The following AKT3 variants were observed in gnomAD, a reference collection of about 807,000 sequenced individuals.
The protein encoded by AKT3 is AKT serine/threonine kinase 3, also known as RAC-gamma serine/threonine-protein kinase.
Under a neutral mutation model 65.3 loss-of-function variants are expected in AKT3, and 15 were observed. That is an observed-to-expected ratio of 0.23 (90% confidence interval 0.15 to 0.35). AKT3 has a LOEUF of 0.35. AKT3 is among the 10% of genes least tolerant of loss of function. The probability of loss-of-function intolerance (pLI) is 1.00; values close to 1 mark genes in which losing one functional copy is unlikely to be tolerated. For missense variants in AKT3, 243 were observed against 576.5 expected (o/e 0.42, Z 5.92); for synonymous variants, 206 against 183.8 (o/e 1.12, Z -0.98).
At position 243,499,818 on chromosome 1, in the gene AKT3, C is replaced by CAAAG; in HGVS notation, c.*5427_*5430dup. 3 of 1,602,982 alleles carry CAAAG rather than the reference C, an allele frequency of 1.9e-6. No homozygotes were observed. Among genetic ancestry groups the CAAAG allele is most frequent in the Non-Finnish European group, 1.7e-6 (2 of 1,170,834 alleles). ...GGAACAGAGTGAAATAAATGATTTA[C>CAAAG]AAAGAGATATTTACATTCATCTGGT... is the stretch of plus-strand genomic sequence containing the variant. On this transcript the variant is annotated 3_prime_UTR_variant, in exon 14 of 14. Transcript: ENST00000673466.
intron 2 of AKT3, among the ~76,000 whole-genome samples, chr1:243,721,112 C>G (rs985065838): frequency 4.6e-5 from 7 of 152,084 alleles, no homozygotes; most frequent in African/African-American, 1.7e-4. Context: ...AAGACTAGAT[C>G]TCTCTTCTCC....
downstream of AKT3, among the ~76,000 whole-genome samples, chr1:243,498,541 C>G (rs1048765632): frequency 6.6e-6 from 1 of 152,236 alleles, no homozygotes; most frequent in Non-Finnish European, 1.5e-5. Context: ...GCTGAGACCA[C>G]CCCACTACTC....
At chr1:243,539,025 G>T (rs1271692133) in intron 12 of AKT3, among the ~76,000 whole-genome samples, 1 of 152,102 alleles carries the variant, frequency 6.6e-6, no homozygotes, top group Non-Finnish European at 1.5e-5. Flanking sequence ...CAGAAAATCA[G>T]TAAGAATATA....
chr1:243,765,876 G>A (rs1005061964), intron 2 of AKT3, among the ~76,000 whole-genome samples: 1 of 152,134 alleles, frequency 6.6e-6, no homozygotes, highest in African/African-American at 2.4e-5. Flanking sequence ...TCTTCTCTTT[G>A]CAGCTACCAA....
At position 243,700,479 on chromosome 1, in the gene AKT3, C is replaced by G. The variant is rs184497574; in HGVS notation, c.47-4763G>C. On this transcript the variant is annotated intron_variant, in intron 2 of 13. Transcript: ENST00000673466. ...TTTCCACAGCTGAGTAAAAATACTG[C>G]ATTATTTTGGACCTCAGGCTTAGTC... Among the ~76,000 whole-genome samples the G allele has an allele frequency of 2.7e-5, 4 of 150,818 alleles. No homozygotes were observed. The East Asian group carries it at 7.8e-4, about 29-fold the overall frequency.
intron 2 of AKT3, among the ~76,000 whole-genome samples, chr1:243,809,618 G>T (rs1692993944): frequency 6.6e-6 from 1 of 152,086 alleles, no homozygotes; most frequent in Non-Finnish European, 1.5e-5. Flanking sequence ...ACATTAGACA[G>T]ATCAACAAGA....
Position 243,503,790 on chromosome 1 carries a change from C to G in AKT3, c.*1459G>C. On this transcript the variant is annotated 3_prime_UTR_variant, in exon 14 of 14. Coordinates refer to ENST00000673466, the MANE Select transcript of AKT3 (RefSeq NM_005465.7). ...ATGATCCCAAGAAACACACCAGGTTCTTAGCCTTCACTGCCCATTTCCTAA... is the reference window on the plus strand; with the variant it reads ...ATGATCCCAAGAAACACACCAGGTTGTTAGCCTTCACTGCCCATTTCCTAA... 4.3e-6 allele frequency: 1 copy of G among 231,282 alleles called. No individual in the cohort carries two copies. The highest frequency in any genetic ancestry group is 8.6e-6 in the Non-Finnish European group (1 of 116,616). 14.3% of individuals were successfully genotyped at this position (231,282 alleles called of 1,614,324 possible).
chr1:243,827,815 T>C (rs546278380), intron 2 of AKT3, among the ~76,000 whole-genome samples: 11 of 152,148 alleles, frequency 7.2e-5, no homozygotes, highest in Non-Finnish European at 1.5e-4. Context: ...TAATGAATTT[T>C]TGTAATTACT....
At chr1:243,657,680 C>G (rs1192638344) in intron 4 of AKT3, among the ~76,000 whole-genome samples, 1 of 151,960 alleles carries the variant, frequency 6.6e-6, no homozygotes, top group African/African-American at 2.4e-5. Context: ...GAATCCCAAA[C>G]AGCTGAAACA....
At chr1:243,705,963 C>A (rs1685770750) in intron 2 of AKT3, among the ~76,000 whole-genome samples, 2 of 152,172 alleles carry the variant, frequency 1.3e-5, no homozygotes, top group Non-Finnish European at 2.9e-5. Context: ...GAATTTTAAA[C>A]TATTATAAAT....
chr1:243,667,086 A>G lies in AKT3; in HGVS notation c.173-2203T>C, dbSNP rs149930927. ...ACAAAAATCCAAAATTTGAAATACA[A>G]TCTCCATTGAGTGTGTACTGCTGTC... On this transcript the variant is annotated intron_variant, in intron 3 of 13. Coordinates refer to ENST00000673466, the MANE Select transcript of AKT3 (RefSeq NM_005465.7). Among the ~76,000 whole-genome samples, 27 of 152,264 alleles carry G rather than the reference A, an allele frequency of 1.8e-4. No individual in the cohort carries two copies. The East Asian group carries it at 5.2e-3, about 29-fold the overall frequency.
chr1:243,618,087 C>T (rs768374233), intron 6 of AKT3, among the ~76,000 whole-genome samples: 36 of 152,068 alleles, frequency 2.4e-4, no homozygotes, highest in Non-Finnish European at 2.9e-5. Context: ...TGGGGTATTA[C>T]ATTCTATTTT....
intron 2 of AKT3, among the ~76,000 whole-genome samples, chr1:243,802,950 A>T (rs1692466973): frequency 6.6e-6 from 1 of 152,118 alleles, no homozygotes; most frequent in African/African-American, 2.4e-5. Flanking sequence ...GGAGTTTAAG[A>T]CCCACCTGGG....
At chr1:243,610,282 T>C (rs996379250) in intron 8 of AKT3, among the ~76,000 whole-genome samples, 1 of 152,218 alleles carries the variant, frequency 6.6e-6, no homozygotes, top group Non-Finnish European at 1.5e-5. Context: ...TGTTCATCCA[T>C]TTGTTCACTT....
intron 2 of AKT3, among the ~76,000 whole-genome samples, chr1:243,734,419 T>C (rs191949381): frequency 1.2e-4 from 19 of 152,310 alleles, no homozygotes; most frequent in Admixed American, 9.8e-4. Flanking sequence ...GTGAACATCA[T>C]AGAAACACCT....
upstream of AKT3, among the ~76,000 whole-genome samples, chr1:243,850,295 A>AGGCGGAGGC (rs1553463397): frequency 1.5e-4 from 18 of 118,334 alleles, no homozygotes; most frequent in Non-Finnish European, 3.1e-4. Context: ...CTGGAGCGGG[A>AGGCGGAGGC]GGCGGCGGCG....
chr1:243,646,101 T>G, intron 4 of AKT3, 64 bp from the exon 5 acceptor site: 2 of 1,374,282 alleles, frequency 1.5e-6, no homozygotes, highest in Non-Finnish European at 2.0e-6. Flanking sequence ...ATTTTCCTTT[T>G]ATAAACTATG....
At chr1:243,767,768 T>C (rs1689925213) in intron 2 of AKT3, among the ~76,000 whole-genome samples, 1 of 152,264 alleles carries the variant, frequency 6.6e-6, no homozygotes, top group South Asian at 2.1e-4. Flanking sequence ...AAGCTGGTGA[T>C]GATTACATGG....
chr1:243,847,325 A>G (rs1406620256), intron 1 of AKT3, among the ~76,000 whole-genome samples: 1 of 152,176 alleles, frequency 6.6e-6, no homozygotes, highest in Non-Finnish European at 1.5e-5. Context: ...TATAAAGACA[A>G]GCTCCTATCA....
Sources: allele counts gnomAD v4.1 joint callset (sites outside exome capture counted in the v4.1 genomes callset), GRCh38; gene constraint gnomAD v4.1.1; transcripts MANE v1.5; gene names NCBI Gene and HGNC (gene_info 2026-07-23, HGNC 2026-07-21).